The following KLHDC4 variants were observed in gnomAD, a reference collection of about 807,000 sequenced individuals.
KLHDC4 encodes kelch domain-containing protein 4.
A neutral mutation model predicts 62.4 loss-of-function variants in KLHDC4; 90 were observed. The ratio of observed to expected loss-of-function variants is 1.44; its 90% CI spans 1.22 to 1.72. KLHDC4 has a LOEUF of 1.72. Among genes scored for constraint, KLHDC4 ranks in the 40% most tolerant of loss-of-function variants. The pLI, the probability that KLHDC4 is intolerant of heterozygous loss-of-function variation, is 0.00. For synonymous variants in KLHDC4, 386 were observed against 284.4 expected (o/e 1.36, Z -3.59); for missense variants, 1,025 against 699.7 (o/e 1.47, Z -5.25).
Position 87,765,836 on chromosome 16 carries a change from CG to C in KLHDC4, c.54del (p.Ala19ProfsTer22). 6.4e-7 allele frequency: 1 copy of C among 1,559,262 alleles called. No individual in the cohort carries two copies. Among genetic ancestry groups the C allele is most frequent in the Non-Finnish European group, 8.7e-7 (1 of 1,151,034 alleles). ...EKKGRGAEKT[A>X]AKMEKKVSKR... ...TTAGACACCTTCTTCTCCATCTTGG[CG>C]GCCGTCTTCTCCGCGCCGCGGCCCT... is the stretch of plus-strand genomic sequence containing the variant. On this transcript the variant is annotated frameshift_variant, in exon 1 of 12. Transcript: ENST00000270583. LOFTEE classifies it high-confidence loss of function.
intron 4 of KLHDC4, among the ~76,000 whole-genome samples, chr16:87,751,388 C>T (rs2115395): frequency 0.18 from 27,924 of 151,676 alleles, 2,700 homozygotes; most frequent in South Asian, 0.3. Context: ...GCAGGAGAAT[C>T]GCTTGAGCCT....
At chr16:87,700,681 G>GTTGGAGGGCGGAGGGAGGAGA (rs2034099688) in exon 1 of KLHDC4, 1 of 225,994 alleles carries the variant, frequency 4.4e-6, no homozygotes, top group African/African-American at 3.3e-5. Flanking sequence ...GAGGGAGGAG[G>GTTGGAGGGCGGAGGGAGGAGA]TTGGAGGGCG....
At chr16:87,715,288 T>G (rs889889323) in intron 7 of KLHDC4, among the ~76,000 whole-genome samples, 3 of 152,212 alleles carry the variant, frequency 2.0e-5, no homozygotes, top group African/African-American at 7.2e-5. Flanking sequence ...ATTTTAGAAG[T>G]TTTGTATTTG....
At chr16:87,711,883 C>T (rs1168345546) in intron 8 of KLHDC4, among the ~76,000 whole-genome samples, 1 of 136,478 alleles carries the variant, frequency 7.3e-6, no homozygotes, top group South Asian at 2.1e-4. Context: ...CTCCACCCTG[C>T]ACGGGGAACC....
chr16:87,765,319 T>A (rs1303642424), intron 1 of KLHDC4: 2 of 456,388 alleles, frequency 4.4e-6, no homozygotes, highest in Non-Finnish European at 8.8e-6. Flanking sequence ...TGCTCAGGGC[T>A]GCTGTGATGA....
intron 1 of KLHDC4, chr16:87,765,445 A>T: frequency 2.0e-6 from 1 of 494,506 alleles, no homozygotes. Flanking sequence ...CCTGTGCCAA[A>T]CCCCTCCCTC....
intron 5 of KLHDC4, among the ~76,000 whole-genome samples, chr16:87,735,333 C>T (rs1316841840): frequency 2.0e-5 from 3 of 151,646 alleles, no homozygotes; most frequent in Non-Finnish European, 4.4e-5. Context: ...AAAACTAAAC[C>T]AGTGTGTCTG....
intron 7 of KLHDC4, among the ~76,000 whole-genome samples, chr16:87,719,979 C>T: frequency 6.6e-6 from 1 of 152,202 alleles, no homozygotes; most frequent in Admixed American, 6.5e-5. Flanking sequence ...CCTAGCTTAG[C>T]CTGCAGCCAC....
chr16:87,709,054 C>T (rs112155715), intron 10 of KLHDC4, among the ~76,000 whole-genome samples: 10 of 152,256 alleles, frequency 6.6e-5, no homozygotes, highest in Non-Finnish European at 1.3e-4. Flanking sequence ...CGTCAGCACC[C>T]GGGACAAAGG....
chr16:87,727,165 G>C (rs552771420), intron 6 of KLHDC4, among the ~76,000 whole-genome samples: 2 of 115,198 alleles, frequency 1.7e-5, no homozygotes, highest in Admixed American at 8.2e-5. Flanking sequence ...AATCTACCTG[G>C]AGACAGGGCA....
chr16:87,724,072 G>A (rs1348245082), intron 7 of KLHDC4, among the ~76,000 whole-genome samples: 2 of 152,004 alleles, frequency 1.3e-5, no homozygotes, highest in Non-Finnish European at 2.9e-5. Context: ...TCCTGACCTC[G>A]AGTGATCCGC....
chr16:87,724,896 G>A (rs1049087232), intron 7 of KLHDC4, among the ~76,000 whole-genome samples: 1 of 152,202 alleles, frequency 6.6e-6, no homozygotes, highest in African/African-American at 2.4e-5. Context: ...CGTGCTCATA[G>A]CAGCTTCAGT....
intron 10 of KLHDC4, 118 bp downstream of exon 10, chr16:87,709,147 C>T (rs940908294): frequency 7.7e-6 from 10 of 1,300,308 alleles, no homozygotes; most frequent in Middle Eastern, 2.7e-4. Flanking sequence ...GGAGCACAGG[C>T]GAGAAGTGTC....
rs368296463 is a variant in KLHDC4 at position 87,708,330 on chromosome 16, G to A, written c.*1+20C>T. The A allele has an allele frequency of 1.3e-5, 20 of 1,514,204 alleles. No individual in the cohort carries two copies. The highest frequency in any genetic ancestry group is 5.6e-5 in the African/African-American group (4 of 71,680). The allele number at this position is 1,514,204 out of a possible 1,614,324, so 93.8% of individuals were successfully genotyped here. On this transcript the variant is annotated intron_variant, in intron 11 of 11. Coordinates refer to ENST00000270583, the MANE Select transcript of KLHDC4 (RefSeq NM_017566.4). ...CGAACACCCAGCAGCCGCGCCACCC[G>A]CCAGCCCGAGCCCGCTCACCTCAGT...
chr16:87,714,398 G>C, intron 8 of KLHDC4, 100 bp downstream of exon 8: 1 of 1,479,096 alleles, frequency 6.8e-7, no homozygotes, highest in East Asian at 2.7e-5. Flanking sequence ...GCAGGGTGCA[G>C]GGGCTCACCG....
intron 4 of KLHDC4, among the ~76,000 whole-genome samples, chr16:87,752,832 A>G (rs2044239861): frequency 6.6e-6 from 1 of 152,250 alleles, no homozygotes; most frequent in Non-Finnish European, 1.5e-5. Flanking sequence ...AGACCCACAG[A>G]TAAAACTTCT....
At chr16:87,734,643 T>C (rs575053288) in intron 5 of KLHDC4, among the ~76,000 whole-genome samples, 1 of 152,324 alleles carries the variant, frequency 6.6e-6, no homozygotes, top group South Asian at 2.1e-4. Context: ...AGTTCCTTTT[T>C]CTAGACACCA....
chr16:87,715,581 T>C (rs1469062683), intron 7 of KLHDC4, among the ~76,000 whole-genome samples: 1 of 152,196 alleles, frequency 6.6e-6, no homozygotes, highest in Non-Finnish European at 1.5e-5. Context: ...AGGACCATGA[T>C]AGCTGTGTGG....
Position 87,748,685 on chromosome 16 carries a change from C to T in KLHDC4, c.494G>A (p.Trp165Ter). Residue 165 changes from tryptophan to a stop codon, truncating the protein, a stop_gained, in exon 5 of 12, where the codon TGG becomes TAG. Transcript: ENST00000270583. LOFTEE classifies it high-confidence loss of function. ...LWVLHLATKT[W>*]EQVKSTGGPS... ...TCTGGCTTCTTACTTGACTTGTTCC[C>T]AGGTCTTGGTGGCCAAATGCAGGAC... is the stretch of plus-strand genomic sequence containing the variant. 3 of 1,613,612 alleles carry T rather than the reference C, an allele frequency of 1.9e-6. No individual in the cohort carries two copies. Among genetic ancestry groups the T allele is most frequent in the Non-Finnish European group, 2.5e-6 (3 of 1,179,902 alleles).
Sources: gnomAD v4.1 joint callset for allele counts (sites outside exome capture counted in the v4.1 genomes callset) on GRCh38, gnomAD v4.1.1 for gene constraint, MANE v1.5 for transcripts, NCBI Gene and HGNC (gene_info 2026-07-23, HGNC 2026-07-21) for gene names.